DNAH7: variants seen among roughly 807,000 people sequenced by gnomAD.
DNAH7 encodes axonemal beta dynein heavy chain 7.
In DNAH7, 397 loss-of-function variants were observed where a neutral mutation model predicts 444.6. The observed-to-expected ratio is 0.89, with a 90% CI of 0.82 to 0.97. The LOEUF is 0.97. Ranked by LOEUF, DNAH7 falls within the 50% of genes least tolerant of loss-of-function variation. The pLI is 0.00. For synonymous variants in DNAH7, 1,636 were observed against 1,624.4 expected (o/e 1.01, Z -0.17); for missense variants, 4,902 against 4,800.8 (o/e 1.02, Z -0.62).
intron 19 of DNAH7, among the ~76,000 whole-genome samples, chr2:195,937,082 A>T (rs1359640889): frequency 1.3e-5 from 2 of 152,142 alleles, no homozygotes; most frequent in African/African-American, 4.8e-5. Context: ...GCCTGAACTC[A>T]CAAGAAGGAC....
intron 8 of DNAH7, among the ~76,000 whole-genome samples, chr2:196,022,110 G>C (rs753257114): frequency 6.6e-6 from 1 of 152,112 alleles, no homozygotes; most frequent in African/African-American, 2.4e-5. Context: ...CTGGGCAAGA[G>C]AGTGAGACCC....
At chr2:195,792,124 G>C (rs1382453596) in intron 57 of DNAH7, among the ~76,000 whole-genome samples, 1 of 125,536 alleles carries the variant, frequency 8.0e-6, no homozygotes, top group Non-Finnish European at 1.6e-5. Context: ...CTGTGATTGA[G>C]CCACTGCAAT....
At chr2:196,015,370 AT>A (rs1033513143) in intron 9 of DNAH7, among the ~76,000 whole-genome samples, 1 of 151,852 alleles carries the variant, frequency 6.6e-6, no homozygotes, top group African/African-American at 2.4e-5. Flanking sequence ...TTATCTAGTA[AT>A]TTTTTTCCTA....
chr2:195,796,953 C>T (rs751447426), intron 55 of DNAH7, among the ~76,000 whole-genome samples: 20 of 152,016 alleles, frequency 1.3e-4, no homozygotes, highest in Non-Finnish European at 2.6e-4. Flanking sequence ...ATAGTCATGG[C>T]AATAAATGGA....
rs201688446 is a variant in DNAH7, at chr2:196,068,682, G to A, written c.15+15C>T. The stretch of plus-strand genomic sequence containing the variant: ...TCGCGGCGGCGGCGAGCCTGGCAAA[G>A]AGCAGCCCTCTCACCTGCTCACTGC... On this transcript the variant is annotated intron_variant, in intron 1 of 64. Transcript: ENST00000312428. The A allele has an allele frequency of 1.9e-6, 3 of 1,551,018 alleles. No homozygotes were observed. The highest frequency in any genetic ancestry group is 2.6e-6 in the Non-Finnish European group (3 of 1,147,032).
At chr2:196,016,079 A>G (rs1228622322) in intron 9 of DNAH7, among the ~76,000 whole-genome samples, 2 of 152,166 alleles carry the variant, frequency 1.3e-5, no homozygotes, top group Admixed American at 1.3e-4. Flanking sequence ...ATTGTTTTTT[A>G]AATTTCAGCT....
chr2:195,874,586 T>C (rs1247272623), intron 38 of DNAH7, among the ~76,000 whole-genome samples: 1 of 145,690 alleles, frequency 6.9e-6, no homozygotes, highest in Non-Finnish European at 1.5e-5. Flanking sequence ...CCAGGAGCAA[T>C]ATGGTCTTTT....
intron 56 of DNAH7, 123 bp downstream of exon 56, chr2:195,796,453 T>C: frequency 8.6e-7 from 1 of 1,165,104 alleles, no homozygotes; most frequent in Non-Finnish European, 1.2e-6. Flanking sequence ...TCTCCTGCAA[T>C]CCAGCCAAAG....
chr2:196,055,818 T>A (rs563894693), intron 2 of DNAH7, among the ~76,000 whole-genome samples: 1 of 152,284 alleles, frequency 6.6e-6, no homozygotes, highest in South Asian at 2.1e-4. Context: ...AACCCAAGCC[T>A]CCTATACAAC....
At chr2:196,065,246 A>G (rs1698364832) in intron 1 of DNAH7, among the ~76,000 whole-genome samples, 1 of 152,210 alleles carries the variant, frequency 6.6e-6, no homozygotes, top group Non-Finnish European at 1.5e-5. Context: ...TTTGAACACA[A>G]TGTATTTCTT....
Position 195,906,647 on chromosome 2 carries a change from C to G in DNAH7, c.4335+12G>C. On this transcript the variant is annotated intron_variant, in intron 27 of 64. Coordinates refer to ENST00000312428, the MANE Select transcript of DNAH7 (RefSeq NM_018897.3). The stretch of plus-strand genomic sequence containing the variant: ...AGAGAAGAAATAGATTATATAATAA[C>G]TCCTTCCATACCTTCAGGTTATCTG... 1 of 1,606,606 alleles carries G rather than the reference C, an allele frequency of 6.2e-7. No individual in the cohort carries two copies. The highest frequency in any genetic ancestry group is 1.1e-5 in the South Asian group (1 of 89,796).
chr2:196,059,019 C>T (rs1485665903), intron 1 of DNAH7, among the ~76,000 whole-genome samples: 3 of 152,160 alleles, frequency 2.0e-5, no homozygotes, highest in African/African-American at 7.2e-5. Flanking sequence ...CAGAAATAAA[C>T]CCAGACATTT....
chr2:195,852,327 C>G (rs1422943167), intron 46 of DNAH7, among the ~76,000 whole-genome samples: 1 of 151,804 alleles, frequency 6.6e-6, no homozygotes, highest in Non-Finnish European at 1.5e-5. Flanking sequence ...GGAGATAGTT[C>G]TGAAATTAAA....
rs73987653 is a variant in DNAH7, at chr2:196,004,286, G to T, written c.990-2428C>A. Among the ~76,000 whole-genome samples the T allele has an allele frequency of 2.3e-3, 345 of 152,258 alleles. 3 individuals carry two copies. Among genetic ancestry groups the T allele is most frequent in the African/African-American group, 8.0e-3 (331 of 41,546 alleles). On this transcript the variant is annotated intron_variant, in intron 10 of 64. Coordinates refer to ENST00000312428, the MANE Select transcript of DNAH7 (RefSeq NM_018897.3). ...GGCAGTTATTCAGATTTTGCAATAG[G>T]CTATATGGGAGGCTAAGAGGGCCAG...
intron 63 of DNAH7, among the ~76,000 whole-genome samples, chr2:195,749,750 C>G (rs989652837): frequency 6.7e-6 from 1 of 149,132 alleles, no homozygotes; most frequent in African/African-American, 2.5e-5. Context: ...CCAAACACCG[C>G]GTATTCTCAC....
At chr2:196,031,516 G>A (rs185784629) in intron 5 of DNAH7, among the ~76,000 whole-genome samples, 10 of 152,098 alleles carry the variant, frequency 6.6e-5, no homozygotes, top group South Asian at 2.1e-4. Context: ...CTATCGTATC[G>A]TCAGGCTGCA....
At chr2:195,758,062 A>C (rs915887553) in intron 61 of DNAH7, among the ~76,000 whole-genome samples, 1 of 152,234 alleles carries the variant, frequency 6.6e-6, no homozygotes, top group Non-Finnish European at 1.5e-5. Flanking sequence ...TTTCCCTTTT[A>C]GTTCCCAGAA....
chr2:196,039,004 C>A (rs1269799158), intron 5 of DNAH7, among the ~76,000 whole-genome samples: 1 of 152,152 alleles, frequency 6.6e-6, no homozygotes, highest in African/African-American at 2.4e-5. Context: ...AACACTGAAC[C>A]TAAACTGCAC....
chr2:196,010,929 T>A (rs1291909450), intron 10 of DNAH7, among the ~76,000 whole-genome samples: 1 of 152,106 alleles, frequency 6.6e-6, no homozygotes, highest in East Asian at 1.9e-4. Context: ...ATGCTCTTAT[T>A]CATATGTGGA....
Sources: gnomAD v4.1 joint callset for allele counts (sites outside exome capture counted in the v4.1 genomes callset) on GRCh38, gnomAD v4.1.1 for gene constraint, MANE v1.5 for transcripts, NCBI Gene and HGNC (gene_info 2026-07-23, HGNC 2026-07-21) for gene names.